SATB2: variants seen among roughly 807,000 people sequenced by gnomAD.
SATB2 encodes DNA-binding protein SATB2.
Under a neutral mutation model 73.4 loss-of-function variants are expected in SATB2, and 1 was observed. The ratio of observed to expected loss-of-function variants is 0.01; its 90% confidence interval spans 0.00 to 0.06. SATB2 has a LOEUF of 0.06. SATB2 is among the 10% of genes least tolerant of loss of function. The pLI is 1.00. For synonymous variants in SATB2, 397 were observed against 367.0 expected (o/e 1.08, Z -0.93); for missense variants, 459 against 945.8 (o/e 0.49, Z 6.75).
At chr2:199,447,732 G>GTGTTTTCGATC (rs1246494398) in intron 2 of SATB2, among the ~76,000 whole-genome samples, 1 of 97,770 alleles carries the variant, frequency 1.0e-5, no homozygotes, top group Admixed American at 1.0e-4. Context: ...TCCCAGGGAA[G>GTGTTTTCGATC]AATGAGAGCC....
At chr2:199,358,006 C>T (rs1055668868) in intron 6 of SATB2, among the ~76,000 whole-genome samples, 2 of 152,096 alleles carry the variant, frequency 1.3e-5, no homozygotes, top group Admixed American at 6.6e-5. Flanking sequence ...ATTGGCGATA[C>T]GTAACAATTT....
At chr2:199,324,048 T>C in intron 8 of SATB2, 90 bp from the exon 9 acceptor site, 1 of 1,392,188 alleles carries the variant, frequency 7.2e-7, no homozygotes, top group South Asian at 1.2e-5. Flanking sequence ...TTCAGTCAGC[T>C]GATGCCAAAC....
Position 199,306,404 on chromosome 2 carries a change from A to G in SATB2, c.1740+2356T>C, listed in dbSNP as rs536952589. 2.0e-4 allele frequency among the ~76,000 whole-genome samples: 31 copies of G among 152,334 alleles called. 1 individual carries two copies. The South Asian group carries it at 6.4e-3, about 32-fold the overall frequency. The stretch of plus-strand genomic sequence containing the variant: ...TGAGTTTCACAGTAGTTATGGGCTC[A>G]AGGTCAACAGCTGAGGCAAATTCAC... On this transcript the variant is annotated intron_variant, in intron 10 of 10. Transcript: ENST00000417098.
chr2:199,371,705 C>G (rs183393255), intron 5 of SATB2, among the ~76,000 whole-genome samples: 3 of 152,242 alleles, frequency 2.0e-5, no homozygotes, highest in Admixed American at 6.5e-5. Context: ...AGCAACCGCA[C>G]AGTTGGACTG....
At chr2:199,392,207 C>T (rs1458310417) in intron 3 of SATB2, among the ~76,000 whole-genome samples, 2 of 152,128 alleles carry the variant, frequency 1.3e-5, no homozygotes, top group African/African-American at 4.8e-5. Flanking sequence ...GATTAATCCA[C>T]TAATTCTCCT....
intron 10 of SATB2, among the ~76,000 whole-genome samples, chr2:199,300,313 A>G (rs1687244446): frequency 6.6e-6 from 1 of 151,948 alleles, no homozygotes; most frequent in South Asian, 2.1e-4. Context: ...ATTAAAAAAG[A>G]AAGCCAATGA....
chr2:199,278,144 T>C (rs1692374069), intron 10 of SATB2, among the ~76,000 whole-genome samples: 1 of 152,000 alleles, frequency 6.6e-6, no homozygotes, highest in Non-Finnish European at 1.5e-5. Context: ...CAGAGAAGGC[T>C]CCCTACAGAG....
intron 3 of SATB2, among the ~76,000 whole-genome samples, chr2:199,403,252 A>G (rs1417310532): frequency 6.6e-6 from 1 of 152,206 alleles, no homozygotes; most frequent in Non-Finnish European, 1.5e-5. Flanking sequence ...CCATTACAAA[A>G]GGATTAAAAA....
At chr2:199,447,310 G>A (rs560193862) in intron 2 of SATB2, among the ~76,000 whole-genome samples, 44 of 152,304 alleles carry the variant, frequency 2.9e-4, no homozygotes, top group South Asian at 8.3e-4. Context: ...ATTGCAGGTC[G>A]AAGCAAGAGC....
At chr2:199,340,792 A>G (rs1274586619) in intron 7 of SATB2, among the ~76,000 whole-genome samples, 1 of 152,096 alleles carries the variant, frequency 6.6e-6, no homozygotes, top group Non-Finnish European at 1.5e-5. Flanking sequence ...TCCCATTCAC[A>G]TGTGGCAGGG....
Position 199,272,382 on chromosome 2 carries a change from T to G in SATB2, c.2031A>C (p.Lys677Asn), listed in dbSNP as rs1260665634. The G allele has an allele frequency of 1.2e-6, 2 of 1,614,202 alleles. No homozygotes were observed. The highest frequency in any genetic ancestry group is 1.7e-6 in the Non-Finnish European group (2 of 1,180,028). The change falls in exon 11 of 11, where the codon AAA (lysine) becomes AAC (asparagine). Residue 677 changes from lysine (K) to asparagine (N), a missense_variant. This residue lies in a region of SATB2 where 13 missense variants were observed against 18.1 expected (regional missense o/e 0.72). Transcript: ENST00000417098. The surrounding 1 kb of genome is among the most constrained non-coding windows in gnomAD (Gnocchi z 6.7). ...CGTCCACCGCGGAGCCCAGGTGCTC[T>G]TTCAGCTTCCCGTGGTGCTTCACGT... Reference protein sequence around the residue: ...RYHVKHHGKLKEHLGSAVDVA... With the variant: ...RYHVKHHGKLNEHLGSAVDVA...
intron 8 of SATB2, among the ~76,000 whole-genome samples, chr2:199,328,490 G>A (rs1436170121): frequency 1.3e-5 from 2 of 151,872 alleles, no homozygotes; most frequent in Non-Finnish European, 2.9e-5. Flanking sequence ...GCAGTGAGCC[G>A]AGATCATGCT....
At chr2:199,307,376 G>A (rs1345616153) in intron 10 of SATB2, among the ~76,000 whole-genome samples, 2 of 152,148 alleles carry the variant, frequency 1.3e-5, no homozygotes, top group East Asian at 3.8e-4. Context: ...ACTGCTCTGT[G>A]TGGCTGAGTA....
intron 2 of SATB2, among the ~76,000 whole-genome samples, chr2:199,435,619 C>T (rs137887406): frequency 0.018 from 2,698 of 152,260 alleles, 108 homozygotes; most frequent in East Asian, 0.16. Context: ...GCTGGGATTA[C>T]AGGCATGAGC....
intron 6 of SATB2, among the ~76,000 whole-genome samples, chr2:199,367,227 T>C (rs1047729900): frequency 2.0e-5 from 3 of 152,170 alleles, no homozygotes; most frequent in Non-Finnish European, 4.4e-5. Flanking sequence ...GAGAAGGGGT[T>C]ATTCATCTTA....
chr2:199,378,146 G>A (rs888441016), intron 5 of SATB2, among the ~76,000 whole-genome samples: 2 of 152,192 alleles, frequency 1.3e-5, no homozygotes, highest in Non-Finnish European at 2.9e-5. Context: ...CTTGGCTCCT[G>A]ATCTGGATTC....
chr2:199,467,322 G>A (rs1056841748), upstream of SATB2: 1 of 152,298 alleles, frequency 6.6e-6, no homozygotes, highest in African/African-American at 2.4e-5. Context: ...TGTCCAGACC[G>A]GCCAGTTTCC....
chr2:199,434,435 T>A (rs1691595069), intron 2 of SATB2, among the ~76,000 whole-genome samples: 1 of 152,226 alleles, frequency 6.6e-6, no homozygotes, highest in Admixed American at 6.5e-5. Context: ...CCAAAGATTT[T>A]TTTAAACTTT....
intron 10 of SATB2, among the ~76,000 whole-genome samples, chr2:199,296,884 T>C (rs1687117901): frequency 6.6e-6 from 1 of 152,200 alleles, no homozygotes; most frequent in South Asian, 2.1e-4. Flanking sequence ...TAGAGAGTAA[T>C]ATTTATTCTT....
Sources: allele counts gnomAD v4.1 joint callset (sites outside exome capture counted in the v4.1 genomes callset), GRCh38; gene constraint gnomAD v4.1.1; regional missense constraint gnomAD v4.1.1; non-coding constraint Gnocchi (gnomAD v3.1); transcripts MANE v1.5; gene names NCBI Gene and HGNC (gene_info 2026-07-23, HGNC 2026-07-21).